Variants in TACC2 observed in about 807,000 individuals in gnomAD.
TACC2 encodes transforming acidic coiled-coil containing protein 2, also known as transforming acidic coiled-coil-containing protein 2.
TACC2 carries 137 observed loss-of-function variants against 227.3 expected under a neutral mutation model. The observed-to-expected ratio is 0.60, with a 90% CI of 0.52 to 0.69. The LOEUF (loss-of-function observed/expected upper bound fraction) is 0.69. Ranked by LOEUF, TACC2 falls within the 30% of genes least tolerant of loss-of-function variation. The probability of loss-of-function intolerance (pLI) is 0.00; values close to 1 mark genes in which losing one functional copy is unlikely to be tolerated. For missense variants in TACC2, 3,470 were observed against 3,694.4 expected (o/e 0.94, Z 1.57); for synonymous variants, 1,523 against 1,487.5 (o/e 1.02, Z -0.55).
intron 6 of TACC2, 77 bp downstream of exon 6, chr10:122,132,811 C>T (rs2088630818): frequency 1.4e-6 from 2 of 1,476,786 alleles, no homozygotes; most frequent in Admixed American, 1.8e-5. Context: ...GCTCCCCTCC[C>T]TTCCCCTCCC....
chr10:122,211,017 G>T lies in TACC2; in HGVS notation c.6592G>T (p.Gly2198Trp). ...LEETPLEPAV[G>W]PKAACPLDSE... is the part of the protein sequence containing the mutation. ...GGAGACGCCCCTTGAGCCCGCTGTG[G>T]GGCCCAAAGCTGCCTGCCCTCTGGA... The change falls in exon 9 of 23, where the codon GGG becomes TGG. Residue 2198 changes from glycine to tryptophan, a missense_variant. Gly to Trp is a radical substitution (Grantham distance 184). Coordinates refer to ENST00000369005, the MANE Select transcript of TACC2 (RefSeq NM_206862.4). The T allele has an allele frequency of 6.2e-7, 1 of 1,611,904 alleles. No homozygotes were observed. The highest frequency in any genetic ancestry group is 8.5e-7 in the Non-Finnish European group (1 of 1,179,222).
chr10:122,248,386 G>A (rs2141898986), intron 19 of TACC2: 1 of 513,232 alleles, frequency 1.9e-6, no homozygotes, highest in African/African-American at 1.9e-5. Context: ...TACTGATCAG[G>A]TTAAGGAATA....
rs2080211154 is a variant in TACC2 at position 122,087,470 on chromosome 10, G to T, written c.4970G>T (p.Gly1657Val). 1 of 1,614,030 alleles carries T rather than the reference G, an allele frequency of 6.2e-7. No individual in the cohort carries two copies. The highest frequency in any genetic ancestry group is 8.5e-7 in the Non-Finnish European group (1 of 1,180,034). Residue 1657 changes from glycine (G) to valine (V), a missense_variant, in exon 4 of 23, where the codon GGG (glycine) becomes GTG (valine). Physicochemically the swap from Gly to Val is moderately radical, Grantham distance 109. Transcript: ENST00000369005. ...GAGCCCTGGACCCTTGACACGCTTG[G>T]GGGTGAAAGGAGACCCGGAGTCACT... ...NSEPWTLDTL[G>V]GERRPGVTAG...
intron 3 of TACC2, among the ~76,000 whole-genome samples, chr10:122,077,390 G>C (rs1591746955): frequency 6.6e-6 from 1 of 152,160 alleles, no homozygotes; most frequent in Non-Finnish European, 1.5e-5. Flanking sequence ...ATAGTGATGG[G>C]AACCATGACT....
intron 5 of TACC2, among the ~76,000 whole-genome samples, chr10:122,117,191 C>CTTTTTTTT (rs71482688): frequency 1.5e-5 from 2 of 129,816 alleles, no homozygotes; most frequent in Non-Finnish European, 3.2e-5. Flanking sequence ...TCTTAGAAAT[C>CTTTTTTTT]TTTTTTTTTT....
At chr10:122,094,742 TC>T (rs2081199972) in intron 5 of TACC2, among the ~76,000 whole-genome samples, 2 of 152,250 alleles carry the variant, frequency 1.3e-5, no homozygotes, top group Middle Eastern at 3.4e-3. Context: ...CTGCCGCTTG[TC>T]CCCTGTTCAT....
At chr10:122,025,033 C>T (rs747908044) in intron 2 of TACC2, among the ~76,000 whole-genome samples, 4 of 152,122 alleles carry the variant, frequency 2.6e-5, no homozygotes, top group South Asian at 4.1e-4. Flanking sequence ...CCACCAGCAA[C>T]GTATGAGGGA....
chr10:122,155,989 C>T (rs944111299), intron 7 of TACC2, among the ~76,000 whole-genome samples: 2 of 151,672 alleles, frequency 1.3e-5, no homozygotes, highest in African/African-American at 4.8e-5. Context: ...AGGCGCCCGC[C>T]ACCACGCCCG....
chr10:122,215,387 C>T lies in TACC2; in HGVS notation c.7284-4C>T, dbSNP rs754313950. ...TGTGTTTACGTTTTCCATTTTGTTT[C>T]CAGTGACACATTTAGGGTGAAAAAG... On this transcript the variant is annotated splice_region_variant and splice_polypyrimidine_tract_variant and intron_variant, in intron 9 of 22. Coordinates refer to ENST00000369005, the MANE Select transcript of TACC2 (RefSeq NM_206862.4). The T allele has an allele frequency of 2.5e-6, 4 of 1,613,444 alleles. No homozygotes were observed. In the South Asian group the frequency reaches 3.3e-5, roughly 13 times the overall value.
At chr10:122,229,095 C>T (rs1193685349) in intron 14 of TACC2, among the ~76,000 whole-genome samples, 5 of 151,222 alleles carry the variant, frequency 3.3e-5, no homozygotes, top group Non-Finnish European at 5.9e-5. Flanking sequence ...GTGAGGGTGG[C>T]GTGGGGGTGG....
At chr10:122,154,792 A>G (rs2092352165) in intron 7 of TACC2, among the ~76,000 whole-genome samples, 2 of 152,212 alleles carry the variant, frequency 1.3e-5, no homozygotes, top group South Asian at 2.1e-4. Flanking sequence ...ACACGCATGC[A>G]GGCGCGCACC....
intron 1 of TACC2, among the ~76,000 whole-genome samples, chr10:122,005,312 G>C (rs1014494279): frequency 2.6e-5 from 4 of 151,282 alleles, no homozygotes; most frequent in African/African-American, 9.7e-5. Context: ...TTGAACTCCT[G>C]ACCTCAGGTG....
chr10:122,232,593 T>A (rs1284615788), intron 16 of TACC2, among the ~76,000 whole-genome samples: 3 of 152,194 alleles, frequency 2.0e-5, no homozygotes, highest in Non-Finnish European at 4.4e-5. Flanking sequence ...GTGACTGTCT[T>A]GGAGTATATA....
At position 122,087,249 on chromosome 10, in the gene TACC2, C is replaced by T; in HGVS notation, c.4749C>T (p.Ser1583=). The T allele has an allele frequency of 6.2e-7, 1 of 1,613,736 alleles. No individual in the cohort carries two copies. Residue 1583 remains serine, a synonymous_variant, in exon 4 of 23, where the codon AGC becomes AGT. Coordinates refer to ENST00000369005, the MANE Select transcript of TACC2 (RefSeq NM_206862.4). ...CTGCCTTCCAGGTGGCTCCCCATAGCCATGGAGAAGAGGCCGTGGCCCAAG... is the reference window on the plus strand; with the variant it reads ...CTGCCTTCCAGGTGGCTCCCCATAGTCATGGAGAAGAGGCCGTGGCCCAAG... The part of the protein sequence containing the change: ...RAAAFQVAPH[S]HGEEAVAQDR...
intron 1 of TACC2, among the ~76,000 whole-genome samples, chr10:122,007,077 G>C (rs1955264547): frequency 6.6e-6 from 1 of 151,882 alleles, no homozygotes; most frequent in South Asian, 2.1e-4. Flanking sequence ...GGTCAGGCTG[G>C]TCTCAAACTC....
chr10:122,230,439 A>G lies in TACC2; in HGVS notation c.8126A>G (p.Lys2709Arg), dbSNP rs758961340. 6.2e-7 allele frequency: 1 copy of G among 1,614,116 alleles called. No individual in the cohort carries two copies. The highest frequency in any genetic ancestry group is 8.5e-7 in the Non-Finnish European group (1 of 1,179,992). The change falls in exon 16 of 23, where the codon AAG (lysine) becomes AGG (arginine). Residue 2709 changes from lysine to arginine, a missense_variant and splice_region_variant. Coordinates refer to ENST00000369005, the MANE Select transcript of TACC2 (RefSeq NM_206862.4). Reference sequence around the variant, plus strand: ...GCTTCCCGCAGCCACCAGGATGCCAAGGTACCGGTTTGCTGCTGCGTGCGC... The same window carrying G: ...GCTTCCCGCAGCCACCAGGATGCCAGGGTACCGGTTTGCTGCTGCGTGCGC... ...ALASRSHQDA[K>R]REAAHPTDVS...
intron 2 of TACC2, among the ~76,000 whole-genome samples, chr10:122,031,274 C>T (rs1958917321): frequency 6.6e-6 from 1 of 152,122 alleles, no homozygotes; most frequent in South Asian, 2.1e-4. Context: ...ATCCCTCTCA[C>T]TGGATTGCGC....
Position 122,245,671 on chromosome 10 carries a change from A to C in TACC2, c.8393-2972A>C, listed in dbSNP as rs199932874. On this transcript the variant is annotated intron_variant, in intron 19 of 22. Transcript: ENST00000369005. ...TTAAAAAGCTCCCTCTTCGCAAGCC[A>C]CTGTGACACTGTTGCTCTGATTCCA... is the stretch of plus-strand genomic sequence containing the variant. Among the ~76,000 whole-genome samples the C allele has an allele frequency of 3.3e-5, 5 of 152,256 alleles. No homozygotes were observed. The East Asian group carries it at 9.6e-4, about 29-fold the overall frequency.
chr10:122,081,247 T>A (rs1437696875), intron 3 of TACC2, among the ~76,000 whole-genome samples: 1 of 151,752 alleles, frequency 6.6e-6, no homozygotes, highest in Non-Finnish European at 1.5e-5. Context: ...TGACTAGGCG[T>A]GGTGGCTCAC....
Sources: gnomAD v4.1 joint callset for allele counts (sites outside exome capture counted in the v4.1 genomes callset) on GRCh38, gnomAD v4.1.1 for gene constraint, MANE v1.5 for transcripts, NCBI Gene and HGNC (gene_info 2026-07-23, HGNC 2026-07-21) for gene names.